PLCL1: variants seen among roughly 807,000 people sequenced by gnomAD.
PLCL1 encodes the protein inactive phospholipase C-like protein 1.
In PLCL1, 41 loss-of-function variants were observed where a neutral mutation model predicts 84.4. The ratio of observed to expected loss-of-function variants is 0.49; its 90% CI spans 0.38 to 0.63. The LOEUF (loss-of-function observed/expected upper bound fraction) is 0.63, where lower values mean the gene tolerates loss of function less well. PLCL1 is among the 30% of genes least tolerant of loss of function. PLCL1 has a pLI of 0.00. For missense variants in PLCL1, 1,206 were observed against 1,367.8 expected (o/e 0.88, Z 1.87); for synonymous variants, 490 against 488.3 (o/e 1.00, Z -0.05).
intron 1 of PLCL1, among the ~76,000 whole-genome samples, chr2:198,005,980 A>C (rs1170319489): frequency 6.6e-6 from 1 of 152,236 alleles, no homozygotes; most frequent in Non-Finnish European, 1.5e-5. Context: ...CCTTGTTGAA[A>C]TAGGAATGCT....
chr2:198,148,278 C>T lies in PLCL1; in HGVS notation c.*1316C>T, dbSNP rs1022468933. ...AACAAATATGCTAATTTGGGGAAAC[C>T]TAGAGAAGATAATTGTTGAAATTTT... On this transcript the variant is annotated 3_prime_UTR_variant, in exon 6 of 6. Coordinates refer to ENST00000428675, the MANE Select transcript of PLCL1 (RefSeq NM_006226.4). 6.6e-6 allele frequency: 1 copy of T among 152,182 alleles called. No individual in the cohort carries two copies. Among genetic ancestry groups the T allele is most frequent in the Non-Finnish European group, 1.5e-5 (1 of 67,996 alleles). The allele number at this position is 152,182 out of a possible 1,614,324, so 9.4% of individuals were successfully genotyped here. A position where few individuals can be genotyped will look rare whatever the true frequency, so the allele number is the denominator to read the frequency against.
intron 1 of PLCL1, among the ~76,000 whole-genome samples, chr2:197,870,893 A>G (rs1687638979): frequency 6.6e-6 from 1 of 152,048 alleles, no homozygotes; most frequent in Non-Finnish European, 1.5e-5. Context: ...CCTATTCCTT[A>G]TCACACTCCC....
At chr2:197,849,431 G>A (rs370788429) in intron 1 of PLCL1, among the ~76,000 whole-genome samples, 20 of 152,204 alleles carry the variant, frequency 1.3e-4, no homozygotes, top group South Asian at 4.1e-4. Flanking sequence ...TTGTGTGTGC[G>A]TGCATGTGTG....
chr2:198,087,904 A>G (rs1051364826), intron 2 of PLCL1, among the ~76,000 whole-genome samples: 1 of 152,184 alleles, frequency 6.6e-6, no homozygotes, highest in East Asian at 1.9e-4. Flanking sequence ...GTGCAGAACC[A>G]CAAACCCACG....
intron 1 of PLCL1, among the ~76,000 whole-genome samples, chr2:197,819,684 A>G (rs1296203115): frequency 3.9e-5 from 6 of 152,126 alleles, no homozygotes; most frequent in Non-Finnish European, 8.8e-5. Context: ...TGATAATTAG[A>G]TAATGTAATT....
rs548342402 is a variant in PLCL1 at position 197,837,977 on chromosome 2, A to G, written c.240+32638A>G. The stretch of plus-strand genomic sequence containing the variant: ...TTTTTTTTTCAAAGAACAAATAGTC[A>G]TTCCTATATTGAATTCAGCTGTGTG... On this transcript the variant is annotated intron_variant, in intron 1 of 5. Coordinates refer to ENST00000428675, the MANE Select transcript of PLCL1 (RefSeq NM_006226.4). Among the ~76,000 whole-genome samples, 5 of 152,326 alleles carry G rather than the reference A, an allele frequency of 3.3e-5. No individual in the cohort carries two copies. In the South Asian group the frequency reaches 6.2e-4, roughly 19 times the overall value.
intron 1 of PLCL1, among the ~76,000 whole-genome samples, chr2:197,962,132 T>G (rs1689635995): frequency 6.6e-6 from 1 of 152,018 alleles, no homozygotes; most frequent in Admixed American, 6.6e-5. Context: ...ACTCTTATCC[T>G]CCTTCTCCCT....
intron 3 of PLCL1, among the ~76,000 whole-genome samples, chr2:198,091,721 A>AAAATG (rs1433039245): frequency 9.5e-6 from 1 of 105,778 alleles, no homozygotes; most frequent in East Asian, 1.9e-4. Flanking sequence ...AAAATAAAAT[A>AAAATG]AAATAAAATA....
chr2:198,070,203 A>G (rs1057205141), intron 1 of PLCL1, among the ~76,000 whole-genome samples: 2 of 152,126 alleles, frequency 1.3e-5, no homozygotes, highest in South Asian at 2.1e-4. Context: ...ACTGAGCCCA[A>G]TACTTTGGGA....
At chr2:197,872,876 A>G (rs1687672692) in intron 1 of PLCL1, among the ~76,000 whole-genome samples, 1 of 152,128 alleles carries the variant, frequency 6.6e-6, no homozygotes, top group Admixed American at 6.5e-5. Flanking sequence ...ACCCACATTG[A>G]TTAGGCTCTT....
In PLCL1 at chr2:198,085,307, A is replaced by G; in HGVS notation, c.1790A>G (p.Tyr597Cys). Reference protein sequence around the residue: ...DLVSICKSVQYRDFELSMKSQ... With the variant: ...DLVSICKSVQCRDFELSMKSQ... Reference sequence around the variant, plus strand: ...GTGTCTATTTGTAAATCTGTTCAATACAGGGATTTTGAACTATCTATGAAA... The same window carrying G: ...GTGTCTATTTGTAAATCTGTTCAATGCAGGGATTTTGAACTATCTATGAAA... Residue 597 changes from tyrosine to cysteine, a missense_variant, in exon 2 of 6, where the codon TAC (tyrosine) becomes TGC (cysteine). Coordinates refer to ENST00000428675, the MANE Select transcript of PLCL1 (RefSeq NM_006226.4). This position sits in a 1 kb window ranked among gnomAD's most constrained non-coding sequence, Gnocchi z 5.3. 1.2e-6 allele frequency: 2 copies of G among 1,613,872 alleles called. No individual in the cohort carries two copies. The highest frequency in any genetic ancestry group is 2.2e-5 in the East Asian group (1 of 44,866).
chr2:197,806,376 A>T (rs563047537), intron 1 of PLCL1, among the ~76,000 whole-genome samples: 97 of 152,326 alleles, frequency 6.4e-4, no homozygotes, highest in African/African-American at 2.2e-3. Flanking sequence ...TCACTAATAT[A>T]TTCAAAAGCT....
chr2:198,144,533 A>T lies in PLCL1; in HGVS notation c.3106-2247A>T, dbSNP rs572437726. ...TTAACCACTTTCTAAATCACCTTAT[A>T]TCATTGTGATTCCTATACTTATGAT... On this transcript the variant is annotated intron_variant, in intron 5 of 5. Coordinates refer to ENST00000428675, the MANE Select transcript of PLCL1 (RefSeq NM_006226.4). 3.5e-4 allele frequency among the ~76,000 whole-genome samples: 53 copies of T among 152,322 alleles called. No individual in the cohort carries two copies. In the East Asian group the frequency reaches 0.01, roughly 29 times the overall value.
At chr2:198,051,411 G>A (rs1360111686) in intron 1 of PLCL1, among the ~76,000 whole-genome samples, 1 of 152,056 alleles carries the variant, frequency 6.6e-6, no homozygotes, top group Non-Finnish European at 1.5e-5. Context: ...ATAAACATGA[G>A]TCTATGATTT....
At position 198,085,024 on chromosome 2, in the gene PLCL1, A is replaced by G. The variant is rs1348475326; in HGVS notation, c.1507A>G (p.Met503Val). 3 of 1,614,058 alleles carry G rather than the reference A, an allele frequency of 1.9e-6. No individual in the cohort carries two copies. Among genetic ancestry groups the G allele is most frequent in the Non-Finnish European group, 2.5e-6 (3 of 1,180,000 alleles). The change falls in exon 2 of 6, where the codon ATG becomes GTG. Residue 503 changes from methionine to valine, a missense_variant. Met to Val is a conservative substitution (Grantham distance 21). Coordinates refer to ENST00000428675, the MANE Select transcript of PLCL1 (RefSeq NM_006226.4). This position sits in a 1 kb window ranked among gnomAD's most constrained non-coding sequence, Gnocchi z 5.3. ...CTGCTCCTTGCCGCAGCAGAAGGTA[A>G]TGGCTCAACAGATGAAAAAGGTCTT... ...NHCSLPQQKV[M>V]AQQMKKVFGN...
chr2:197,938,619 A>C (rs970024569), intron 1 of PLCL1, among the ~76,000 whole-genome samples: 3 of 152,144 alleles, frequency 2.0e-5, no homozygotes, highest in Non-Finnish European at 4.4e-5. Flanking sequence ...TCCTACCAGC[A>C]GTTGGTGGGG....
At chr2:198,035,046 T>G (rs775344730) in intron 1 of PLCL1, among the ~76,000 whole-genome samples, 1 of 152,236 alleles carries the variant, frequency 6.6e-6, no homozygotes, top group African/African-American at 2.4e-5. Flanking sequence ...ATGTGGTATC[T>G]GCCATATTTC....
chr2:198,029,542 A>G (rs1204033954), intron 1 of PLCL1, among the ~76,000 whole-genome samples: 2 of 152,128 alleles, frequency 1.3e-5, no homozygotes, highest in East Asian at 3.9e-4. Context: ...AGGGTTTTAG[A>G]CAAATGAAAG....
chr2:198,055,615 C>T (rs1233525994), intron 1 of PLCL1, among the ~76,000 whole-genome samples: 1 of 150,604 alleles, frequency 6.6e-6, no homozygotes, highest in Non-Finnish European at 1.5e-5. Flanking sequence ...AAGCATGAAG[C>T]ATGGTTCTCC....
Sources: allele counts gnomAD v4.1 joint callset (sites outside exome capture counted in the v4.1 genomes callset), GRCh38; gene constraint gnomAD v4.1.1; non-coding constraint Gnocchi (gnomAD v3.1); transcripts MANE v1.5; gene names NCBI Gene and HGNC (gene_info 2026-07-23, HGNC 2026-07-21).